Variants in NCKAP5 observed in about 807,000 individuals in gnomAD.
NCKAP5 encodes the protein NCK associated protein 5, also known as nck-associated protein 5.
A neutral mutation model predicts 167.0 loss-of-function variants in NCKAP5; 92 were observed. The ratio of observed to expected loss-of-function variants is 0.55; its 90% confidence interval spans 0.47 to 0.66. The LOEUF is 0.66. NCKAP5 is among the 30% of genes least tolerant of loss of function. The pLI, the probability that NCKAP5 is intolerant of heterozygous loss-of-function variation, is 0.00. For missense variants in NCKAP5, 2,378 were observed against 2,315.0 expected, an observed-to-expected ratio of 1.03 and a Z score of -0.56; for synonymous variants, 891 against 877.4, an observed-to-expected ratio of 1.02 and a Z score of -0.27.
intron 5 of NCKAP5, among the ~76,000 whole-genome samples, chr2:133,166,444 T>G (rs1195275648): frequency 6.6e-6 from 1 of 152,210 alleles, no homozygotes. Context: ...AAAACATCTT[T>G]TATTTAATTA....
chr2:133,251,721 C>T (rs193255485), intron 4 of NCKAP5, among the ~76,000 whole-genome samples: 3 of 152,286 alleles, frequency 2.0e-5, no homozygotes, highest in Non-Finnish European at 4.4e-5. Flanking sequence ...CAAAATTACA[C>T]TTGCATCCCA....
chr2:133,288,590 C>T (rs1038577179), intron 4 of NCKAP5, among the ~76,000 whole-genome samples: 1 of 150,866 alleles, frequency 6.6e-6, no homozygotes, highest in African/African-American at 2.4e-5. Flanking sequence ...TTTTGCAGCA[C>T]ACTCTGCTTA....
At chr2:133,432,567 T>C (rs1405987777) in intron 3 of NCKAP5, among the ~76,000 whole-genome samples, 1 of 152,172 alleles carries the variant, frequency 6.6e-6, no homozygotes, top group African/African-American at 2.4e-5. Flanking sequence ...GCCTGTCAAG[T>C]AGCTTGTTTA....
chr2:132,811,247 C>T (rs1685841612), intron 11 of NCKAP5, among the ~76,000 whole-genome samples: 1 of 152,022 alleles, frequency 6.6e-6, no homozygotes, highest in South Asian at 2.1e-4. Flanking sequence ...TGGTTGGCCT[C>T]CTGCTAGGAG....
chr2:133,613,917 G>A, the NCKAP5 span, among the ~76,000 whole-genome samples: 1 of 152,162 alleles, frequency 6.6e-6, no homozygotes, highest in Non-Finnish European at 1.5e-5. Context: ...CTTTCTCACA[G>A]GTCCTATATG....
At chr2:132,869,745 C>T (rs1690653918) in intron 9 of NCKAP5, among the ~76,000 whole-genome samples, 1 of 152,164 alleles carries the variant, frequency 6.6e-6, no homozygotes, top group African/African-American at 2.4e-5. Context: ...GTCTTCCTGA[C>T]TAGAAATGGA....
the NCKAP5 span, among the ~76,000 whole-genome samples, chr2:133,584,591 C>A: frequency 6.6e-6 from 1 of 151,988 alleles, no homozygotes; most frequent in South Asian, 2.1e-4. Context: ...ATGGTCAGAC[C>A]CATCTCTACT....
At chr2:133,087,110 C>T (rs189045721) in intron 6 of NCKAP5, among the ~76,000 whole-genome samples, 4 of 152,266 alleles carry the variant, frequency 2.6e-5, no homozygotes, top group East Asian at 3.9e-4. Context: ...AATGAACAAA[C>T]TTATTTTATC....
intron 7 of NCKAP5, among the ~76,000 whole-genome samples, chr2:132,984,402 G>A (rs2077227608): frequency 6.6e-6 from 1 of 152,104 alleles, no homozygotes; most frequent in Non-Finnish European, 1.5e-5. Context: ...AGAGGGCCCA[G>A]GAACAAGCTT....
In NCKAP5 at chr2:133,076,445, T is replaced by A. The variant is rs374057661; in HGVS notation, c.341+53533A>T. On this transcript the variant is annotated intron_variant, in intron 6 of 19. Coordinates refer to ENST00000409261, the MANE Select transcript of NCKAP5 (RefSeq NM_207363.3). ...ACTTTCTAAATTCTAAATAAATCTT[T>A]TACAATCACACGATCCATCCTACGT... Among the ~76,000 whole-genome samples, 12 of 152,186 alleles carry A rather than the reference T, an allele frequency of 7.9e-5. No individual in the cohort carries two copies. In the South Asian group the frequency reaches 1.0e-3, roughly 13 times the overall value.
At chr2:133,369,551 T>C (rs1462647576) in intron 3 of NCKAP5, among the ~76,000 whole-genome samples, 1 of 152,246 alleles carries the variant, frequency 6.6e-6, no homozygotes. Context: ...GTTCAAACTT[T>C]CAATTTGCAA....
At chr2:133,619,552 T>C in the NCKAP5 span, among the ~76,000 whole-genome samples, 2 of 151,884 alleles carry the variant, frequency 1.3e-5, no homozygotes, top group African/African-American at 4.8e-5. Context: ...GAAAAAAGAA[T>C]GGAAAAATAT....
chr2:133,054,049 T>G (rs2079703010), intron 6 of NCKAP5, among the ~76,000 whole-genome samples: 2 of 152,132 alleles, frequency 1.3e-5, no homozygotes, highest in Admixed American at 1.3e-4. Context: ...AATTCTATGG[T>G]GTTTATCAGT....
intron 8 of NCKAP5, among the ~76,000 whole-genome samples, chr2:132,909,394 T>TA (rs1553475695): frequency 6.6e-6 from 1 of 152,172 alleles, no homozygotes; most frequent in South Asian, 2.1e-4. Context: ...GCTCAGGCTA[T>TA]ATCCAATGAT....
chr2:132,672,096 C>T lies in NCKAP5; in HGVS notation c.*1193G>A, dbSNP rs1683821171. On this transcript the variant is annotated 3_prime_UTR_variant, in exon 20 of 20. Transcript: ENST00000409261. ...ACCTTTAAAATAGAATTTATCCTTACATATAAACAGTCTTTGTAGAAAAAA... is the reference window on the plus strand; with the variant it reads ...ACCTTTAAAATAGAATTTATCCTTATATATAAACAGTCTTTGTAGAAAAAA... 1 of 152,522 alleles carries T rather than the reference C, an allele frequency of 6.6e-6. No homozygotes were observed. The highest frequency in any genetic ancestry group is 2.1e-4 in the South Asian group (1 of 4,818). 9.4% of individuals were successfully genotyped at this position (152,522 alleles called of 1,614,324 possible).
intron 8 of NCKAP5, among the ~76,000 whole-genome samples, chr2:132,962,405 G>A (rs1028547335): frequency 1.3e-5 from 2 of 152,150 alleles, no homozygotes; most frequent in Admixed American, 6.5e-5. Flanking sequence ...CTAGAAAGTA[G>A]TCGAACAGGG....
intron 15 of NCKAP5, among the ~76,000 whole-genome samples, chr2:132,776,726 A>G (rs1305679373): frequency 6.6e-6 from 1 of 152,234 alleles, no homozygotes; most frequent in South Asian, 2.1e-4. Flanking sequence ...TATGGAAATG[A>G]GGGGCATAAT....
At chr2:132,746,578 A>G (rs1449317170) in intron 16 of NCKAP5, among the ~76,000 whole-genome samples, 1 of 152,170 alleles carries the variant, frequency 6.6e-6, no homozygotes, top group Non-Finnish European at 1.5e-5. Context: ...AGACACGGTT[A>G]AGAAAATAAA....
chr2:133,187,387 A>G lies in NCKAP5; in HGVS notation c.207+26329T>C, dbSNP rs183290144. Among the ~76,000 whole-genome samples the G allele has an allele frequency of 1.8e-4, 28 of 152,170 alleles. No homozygotes were observed. The East Asian group carries it at 4.8e-3, about 26-fold the overall frequency. ...CACAATGTAAAAGACAATGCCATTT[A>G]TAATCACACAAAAAATTAAAATCCA... On this transcript the variant is annotated intron_variant, in intron 5 of 19. Coordinates refer to ENST00000409261, the MANE Select transcript of NCKAP5 (RefSeq NM_207363.3).
Sources: allele counts gnomAD v4.1 joint callset (sites outside exome capture counted in the v4.1 genomes callset), GRCh38; gene constraint gnomAD v4.1.1; transcripts MANE v1.5; gene names NCBI Gene and HGNC (gene_info 2026-07-23, HGNC 2026-07-21).